GATA4: variants seen among roughly 807,000 people sequenced by gnomAD.
GATA4 encodes the protein GATA binding protein 4.
Under a neutral mutation model 37.9 loss-of-function variants are expected in GATA4, and 7 were observed. That is an observed-to-expected ratio of 0.18 (90% CI 0.11 to 0.35). GATA4 has a LOEUF of 0.35. GATA4 is among the 10% of genes least tolerant of loss of function. The probability of loss-of-function intolerance (pLI) is 1.00; values close to 1 mark genes in which losing one functional copy is unlikely to be tolerated. For synonymous variants in GATA4, 372 were observed against 292.6 expected (o/e 1.27, Z -2.77); for missense variants, 647 against 653.0 (o/e 0.99, Z 0.10).
intron 1 of GATA4, chr8:11,692,780 G>A (rs1258788610): frequency 3.1e-6 from 3 of 982,454 alleles, no homozygotes; most frequent in East Asian, 2.3e-4. Context: ...AAGCGAGGCT[G>A]CCGAGGGGAG....
chr8:11,744,233 C>T (rs1465514296), intron 2 of GATA4, among the ~76,000 whole-genome samples: 1 of 152,258 alleles, frequency 6.6e-6, no homozygotes, highest in Non-Finnish European at 1.5e-5. Flanking sequence ...CCCACTCCCT[C>T]CTGACCCCTC....
chr8:11,690,190 G>A (rs1184133548), upstream of GATA4, among the ~76,000 whole-genome samples: 3 of 152,200 alleles, frequency 2.0e-5, no homozygotes, highest in East Asian at 1.9e-4. Context: ...GGCATCTTCC[G>A]CACATGAGCC....
intron 2 of GATA4, among the ~76,000 whole-genome samples, chr8:11,744,033 A>G (rs1036960302): frequency 1.3e-5 from 2 of 152,250 alleles, no homozygotes; most frequent in Non-Finnish European, 2.9e-5. Context: ...GAGACTGAGT[A>G]CAAGTGAACG....
Position 11,754,662 on chromosome 8 carries a change from G to T in GATA4, c.913-384G>T, listed in dbSNP as rs935262543. On this transcript the variant is annotated intron_variant, in intron 4 of 6. Coordinates refer to ENST00000532059, the MANE Select transcript of GATA4 (RefSeq NM_001308093.3). The stretch of plus-strand genomic sequence containing the variant: ...TCACCTCCACACTGAAGCCTTCCTT[G>T]ATATCCTCACGTGCCCCTCCTTCCC... Among the ~76,000 whole-genome samples, 4 of 152,144 alleles carry T rather than the reference G, an allele frequency of 2.6e-5. 1 individual carries two copies. Among genetic ancestry groups the T allele is most frequent in the Admixed American group, 2.6e-4 (4 of 15,266 alleles).
intron 5 of GATA4, among the ~76,000 whole-genome samples, chr8:11,755,954 C>CT (rs1802542513): frequency 6.7e-6 from 1 of 148,964 alleles, no homozygotes; most frequent in African/African-American, 2.4e-5. Flanking sequence ...GAGGGCTGTT[C>CT]TTTTTTAAAT....
intron 2 of GATA4, among the ~76,000 whole-genome samples, chr8:11,740,894 C>T (rs183889933): frequency 2.6e-5 from 4 of 152,146 alleles, no homozygotes; most frequent in African/African-American, 7.2e-5. Flanking sequence ...CCAACATGCC[C>T]ACCTACTTTT....
At chr8:11,735,661 C>T (rs1380602022) in intron 2 of GATA4, among the ~76,000 whole-genome samples, 1 of 152,168 alleles carries the variant, frequency 6.6e-6, no homozygotes, top group Non-Finnish European at 1.5e-5. Flanking sequence ...CTTCCGGGTT[C>T]AAGCGATTCT....
chr8:11,703,895 G>A (rs1799774872), upstream of GATA4, among the ~76,000 whole-genome samples: 1 of 152,238 alleles, frequency 6.6e-6, no homozygotes, highest in Admixed American at 6.5e-5. Flanking sequence ...CAGGAAGGGG[G>A]GGCGGGGAGG....
chr8:11,681,062 G>C (rs2129926660), intron 1 of GATA4: 1 of 951,466 alleles, frequency 1.1e-6, no homozygotes, highest in East Asian at 1.2e-4. Flanking sequence ...TTCTCTGGCC[G>C]GATTTGGAGG....
chr8:11,678,436 C>T (rs1406849461), intron 1 of GATA4, among the ~76,000 whole-genome samples: 1 of 152,178 alleles, frequency 6.6e-6, no homozygotes, highest in Non-Finnish European at 1.5e-5. Flanking sequence ...CTTATCTTTC[C>T]CCTGCCCAAC....
At chr8:11,686,201 T>A (rs576876312) in intron 1 of GATA4, among the ~76,000 whole-genome samples, 3 of 143,094 alleles carry the variant, frequency 2.1e-5, no homozygotes, top group Admixed American at 7.0e-5. Flanking sequence ...CTTCAAAAGA[T>A]CTTGTACTGG....
In GATA4 at chr8:11,696,901, C is replaced by T. The variant is rs540230027; in HGVS notation, c.-728-3607C>T. On this transcript the variant is annotated intron_variant, in intron 1 of 2. Coordinates refer to the GATA4 transcript ENST00000526974. ...ACCAGCCCCTGAGCCTACCCATCTG[C>T]TCAGGGAGAGTGTGGGCCCCTGGAA... is the stretch of plus-strand genomic sequence containing the variant. Among the ~76,000 whole-genome samples the T allele has an allele frequency of 5.3e-5, 8 of 152,372 alleles. No individual in the cohort carries two copies. In the East Asian group the frequency reaches 1.3e-3, roughly 26 times the overall value.
intron 1 of GATA4, among the ~76,000 whole-genome samples, chr8:11,681,641 T>G (rs534297406): frequency 9.9e-5 from 15 of 152,248 alleles, no homozygotes; most frequent in Non-Finnish European, 1.3e-4. Flanking sequence ...TGAACGTTTC[T>G]TGTCTCCTCC....
chr8:11,718,161 C>T (rs1800518412), intron 2 of GATA4, among the ~76,000 whole-genome samples: 1 of 152,190 alleles, frequency 6.6e-6, no homozygotes, highest in African/African-American at 2.4e-5. Flanking sequence ...TGGATCAAGA[C>T]AATGACTAAA....
chr8:11,750,770 TAAAAAAAAA>T (rs1195090785), intron 4 of GATA4, among the ~76,000 whole-genome samples: 8 of 88,792 alleles, frequency 9.0e-5, no homozygotes, highest in African/African-American at 3.8e-4. Context: ...TTGTCTCTAC[TAAAAAAAAA>T]AAAAAAAAAA....
intron 1 of GATA4, chr8:11,705,988 G>T (rs1799873001): frequency 6.6e-6 from 1 of 152,120 alleles, no homozygotes. Flanking sequence ...AATGAAATAG[G>T]TCAGCTACTT....
At chr8:11,714,241 TA>T (rs1475934142) in intron 2 of GATA4, among the ~76,000 whole-genome samples, 2 of 152,234 alleles carry the variant, frequency 1.3e-5, no homozygotes, top group Non-Finnish European at 2.9e-5. Context: ...TTAGAGTCGA[TA>T]AAAATAACAA....
At chr8:11,701,543 G>T (rs560899653), upstream of GATA4, among the ~76,000 whole-genome samples, 279 of 152,280 alleles carry the variant, frequency 1.8e-3, 1 homozygote, top group South Asian at 4.4e-3. Flanking sequence ...TCCTGGCAAC[G>T]CACAGCCAAC....
chr8:11,698,426 G>A lies in GATA4; in HGVS notation c.-728-2082G>A, dbSNP rs537815835. Among the ~76,000 whole-genome samples the A allele has an allele frequency of 1.2e-4, 19 of 152,276 alleles. No homozygotes were observed. In the South Asian group the frequency reaches 3.9e-3, roughly 32 times the overall value. ...TGAATGAGTGGGTGAGTGAGTGAAT[G>A]CATGAGTGAATGAATCCCCATCTCT... On this transcript the variant is annotated intron_variant, in intron 1 of 2. Transcript: ENST00000526974.
Sources: gnomAD v4.1 joint callset for allele counts (sites outside exome capture counted in the v4.1 genomes callset) on GRCh38, gnomAD v4.1.1 for gene constraint, MANE v1.5 for transcripts, NCBI Gene and HGNC (gene_info 2026-07-23, HGNC 2026-07-21) for gene names.